PDE1C: variants seen among roughly 807,000 people sequenced by gnomAD.
PDE1C encodes phosphodiesterase 1C.
In PDE1C, 62 loss-of-function variants were observed where a neutral mutation model predicts 93.1. The observed-to-expected ratio is 0.67, with a 90% CI of 0.54 to 0.82. The LOEUF (loss-of-function observed/expected upper bound fraction) is 0.82. Ranked by LOEUF, PDE1C falls within the 40% of genes least tolerant of loss-of-function variation. The pLI is 0.00. For synonymous variants in PDE1C, 325 were observed against 310.1 expected (o/e 1.05, Z -0.50); for missense variants, 742 against 884.6 (o/e 0.84, Z 2.04).
intron 2 of PDE1C, among the ~76,000 whole-genome samples, chr7:32,013,251 A>G (rs1787407970): frequency 6.6e-6 from 1 of 152,184 alleles, no homozygotes; most frequent in Non-Finnish European, 1.5e-5. Context: ...CTAGAAACAC[A>G]AACAGTTTAG....
At chr7:31,710,463 G>C in the PDE1C span, among the ~76,000 whole-genome samples, 1 of 152,200 alleles carries the variant, frequency 6.6e-6, no homozygotes, top group Admixed American at 6.5e-5. Context: ...AGGCTGGTGT[G>C]GAAGGATTGG....
chr7:32,412,003 C>G (rs2392055), intron 1 of PDE1C, among the ~76,000 whole-genome samples: 1 of 151,896 alleles, frequency 6.6e-6, no homozygotes, highest in Non-Finnish European at 1.5e-5. Flanking sequence ...CTTGTCCTAC[C>G]AGGTTTTCAG....
the PDE1C span, among the ~76,000 whole-genome samples, chr7:31,637,952 G>T: frequency 3.3e-5 from 5 of 152,176 alleles, no homozygotes; most frequent in Admixed American, 1.3e-4. Flanking sequence ...GCTTTCTACA[G>T]ATGGCTAGCC....
chr7:32,180,420 G>A (rs1803312607), intron 2 of PDE1C, among the ~76,000 whole-genome samples: 1 of 152,200 alleles, frequency 6.6e-6, no homozygotes, highest in African/African-American at 2.4e-5. Context: ...TAAATCCCCA[G>A]TATAATAGTA....
At chr7:32,057,087 G>A (rs555532195) in intron 1 of PDE1C, among the ~76,000 whole-genome samples, 1 of 152,294 alleles carries the variant, frequency 6.6e-6, no homozygotes, top group South Asian at 2.1e-4. Context: ...AGTAAAACTG[G>A]ATAGTTATGA....
the PDE1C span, among the ~76,000 whole-genome samples, chr7:31,670,947 A>G: frequency 6.6e-6 from 1 of 152,084 alleles, no homozygotes; most frequent in Non-Finnish European, 1.5e-5. Context: ...GCTTGATGGG[A>G]TAGCTTTGAA....
chr7:32,146,553 T>C (rs1800848837), intron 3 of PDE1C, among the ~76,000 whole-genome samples: 1 of 152,172 alleles, frequency 6.6e-6, no homozygotes, highest in African/African-American at 2.4e-5. Context: ...TTGATTGTAT[T>C]AGGTTCTCTG....
intron 11 of PDE1C, among the ~76,000 whole-genome samples, chr7:31,835,533 T>C (rs1790965201): frequency 6.7e-6 from 1 of 150,044 alleles, no homozygotes; most frequent in Admixed American, 6.6e-5. Context: ...GCGGTGTGTG[T>C]GTGTGTGTGT....
chr7:32,166,051 CAA>C (rs34514936), intron 3 of PDE1C, among the ~76,000 whole-genome samples: 124 of 142,662 alleles, frequency 8.7e-4, no homozygotes, highest in South Asian at 8.7e-4. Context: ...GTTTTGCCAC[CAA>C]AAAAAAAAAA....
At chr7:31,959,620 T>C (rs1808638071) in intron 2 of PDE1C, among the ~76,000 whole-genome samples, 3 of 152,214 alleles carry the variant, frequency 2.0e-5, no homozygotes, top group African/African-American at 7.2e-5. Flanking sequence ...AGAGTTTGAT[T>C]AATATTCATA....
chr7:31,651,254 T>A, the PDE1C span: 1 of 1,613,140 alleles, frequency 6.2e-7, no homozygotes, highest in Non-Finnish European at 8.5e-7. Context: ...TCCAGGGACA[T>A]GTCAGAGGAG....
At chr7:31,709,287 G>T in the PDE1C span, among the ~76,000 whole-genome samples, 1 of 152,196 alleles carries the variant, frequency 6.6e-6, no homozygotes, top group Admixed American at 6.5e-5. Flanking sequence ...GTGATGCCAA[G>T]CAAGCCCCTG....
the PDE1C span, among the ~76,000 whole-genome samples, chr7:31,659,104 T>C: frequency 6.6e-6 from 1 of 152,224 alleles, no homozygotes; most frequent in African/African-American, 2.4e-5. Flanking sequence ...GTGTAGTTGA[T>C]AGAAGAAATA....
rs138668010 is a variant in PDE1C, at chr7:32,159,237, G to C, written c.308+10548C>G. ...GCACATGAATGGGAAGAGAGCATTT[G>C]TTATCAGAGAAATTTTAATAAGAAG... On this transcript the variant is annotated intron_variant, in intron 3 of 18. Coordinates refer to the PDE1C transcript ENST00000396193. 7.9e-5 allele frequency among the ~76,000 whole-genome samples: 12 copies of C among 152,274 alleles called. No homozygotes were observed. In the East Asian group the frequency reaches 2.3e-3, roughly 29 times the overall value.
intron 1 of PDE1C, among the ~76,000 whole-genome samples, chr7:32,318,287 T>G (rs1401956686): frequency 2.0e-5 from 3 of 151,988 alleles, no homozygotes; most frequent in Non-Finnish European, 4.4e-5. Flanking sequence ...CCCTTCTGAG[T>G]GTGATAAAAT....
intron 1 of PDE1C, among the ~76,000 whole-genome samples, chr7:32,245,278 C>T (rs1402094147): frequency 6.6e-6 from 1 of 152,152 alleles, no homozygotes; most frequent in African/African-American, 2.4e-5. Flanking sequence ...GCAGACAGCC[C>T]TTCTCTTTGT....
chr7:31,700,291 A>C, the PDE1C span, among the ~76,000 whole-genome samples: 1 of 152,174 alleles, frequency 6.6e-6, no homozygotes, highest in Non-Finnish European at 1.5e-5. Context: ...TGATACGGGG[A>C]AAGTTTCAGT....
chr7:31,961,265 C>G (rs983716935), intron 2 of PDE1C, among the ~76,000 whole-genome samples: 1 of 149,964 alleles, frequency 6.7e-6, no homozygotes, highest in Non-Finnish European at 1.5e-5. Flanking sequence ...TATATATACA[C>G]ACACACAGGC....
chr7:31,717,460 C>T, the PDE1C span, among the ~76,000 whole-genome samples: 1 of 152,060 alleles, frequency 6.6e-6, no homozygotes, highest in Non-Finnish European at 1.5e-5. Context: ...TGAATGTTTG[C>T]CCTTGGGTGG....
Sources: allele counts gnomAD v4.1 joint callset (sites outside exome capture counted in the v4.1 genomes callset), GRCh38; gene constraint gnomAD v4.1.1; transcripts MANE v1.5; gene names NCBI Gene and HGNC (gene_info 2026-07-23, HGNC 2026-07-21).